The following PTPRN2 variants were observed in gnomAD, a reference collection of about 807,000 sequenced individuals.
PTPRN2 encodes the protein receptor-type tyrosine-protein phosphatase N2.
Under a neutral mutation model 118.8 loss-of-function variants are expected in PTPRN2, and 74 were observed. The observed-to-expected ratio is 0.62, with a 90% CI of 0.52 to 0.76. The LOEUF is 0.76. Ranked by LOEUF, PTPRN2 falls within the 30% of genes least tolerant of loss-of-function variation. PTPRN2 has a pLI of 0.00. For synonymous variants in PTPRN2, 641 were observed against 608.0 expected (o/e 1.05, Z -0.80); for missense variants, 1,481 against 1,394.4 (o/e 1.06, Z -0.99).
rs1827992375 is a variant in PTPRN2 at position 158,570,934 on chromosome 7, AGCAAAGCCCGGGTCCCGGATG to A, written c.112+16603_112+16623del. ...TCTGCTCAGAAGCCCACCCCTGCAG[AGCAAAGCCCGGGTCCCGGATG>A]GCAAAGCCATACGCAGGAGCCTTCC... On this transcript the variant is annotated intron_variant, in intron 1 of 22. Coordinates refer to ENST00000389418, the MANE Select transcript of PTPRN2 (RefSeq NM_002847.5). This position sits in a 1 kb window ranked among gnomAD's most constrained non-coding sequence, Gnocchi z 4.5. Among the ~76,000 whole-genome samples the A allele has an allele frequency of 6.6e-6, 1 of 152,190 alleles. No individual in the cohort carries two copies. Among genetic ancestry groups the A allele is most frequent in the African/African-American group, 2.4e-5 (1 of 41,440 alleles).
At chr7:158,082,405 A>G (rs1486678101) in intron 10 of PTPRN2, among the ~76,000 whole-genome samples, 1 of 152,152 alleles carries the variant, frequency 6.6e-6, no homozygotes, top group Admixed American at 6.5e-5. Context: ...TCTGCTCATG[A>G]TACCTCAGTC....
intron 3 of PTPRN2, among the ~76,000 whole-genome samples, chr7:158,241,101 T>A (rs562897909): frequency 6.6e-6 from 1 of 152,354 alleles, no homozygotes; most frequent in East Asian, 1.9e-4. Context: ...GGTGGAAGCA[T>A]CAAAGTGTTC....
intron 2 of PTPRN2, among the ~76,000 whole-genome samples, chr7:158,440,741 T>G (rs1319905118): frequency 1.4e-5 from 2 of 140,048 alleles, no homozygotes; most frequent in South Asian, 4.6e-4. Context: ...ATGATGACAG[T>G]GGTGGTGACA....
chr7:158,085,150 C>A (rs1813211333), intron 10 of PTPRN2, among the ~76,000 whole-genome samples: 1 of 132,744 alleles, frequency 7.5e-6, no homozygotes, highest in African/African-American at 2.9e-5. Context: ...CCCATCCACA[C>A]CCTCGACGCC....
At chr7:158,279,898 T>C (rs1799298239) in intron 3 of PTPRN2, among the ~76,000 whole-genome samples, 1 of 152,038 alleles carries the variant, frequency 6.6e-6, no homozygotes, top group South Asian at 2.1e-4. Context: ...CAATGTGGAC[T>C]TGACCCCACG....
At chr7:157,545,343 G>A (rs1389217836) in intron 22 of PTPRN2, among the ~76,000 whole-genome samples, 1 of 150,480 alleles carries the variant, frequency 6.6e-6, no homozygotes, top group Non-Finnish European at 1.5e-5. Flanking sequence ...TGGGGGGTGT[G>A]CCTGGGTGTG....
intron 3 of PTPRN2, among the ~76,000 whole-genome samples, chr7:158,225,696 A>G (rs1254347301): frequency 6.6e-6 from 1 of 152,186 alleles, no homozygotes; most frequent in African/African-American, 2.4e-5. Context: ...GAAGAGGTGA[A>G]TTTGTGTTGG....
intron 10 of PTPRN2, among the ~76,000 whole-genome samples, chr7:158,091,774 T>TTGGG: frequency 9.1e-6 from 1 of 110,364 alleles, no homozygotes; most frequent in Non-Finnish European, 1.9e-5. Context: ...AGAGAGATGG[T>TTGGG]TGGGTGGGTG....
chr7:158,142,879 C>T (rs781251192), intron 6 of PTPRN2, among the ~76,000 whole-genome samples: 6 of 152,198 alleles, frequency 3.9e-5, no homozygotes, highest in Non-Finnish European at 7.3e-5. Flanking sequence ...GACAGGCTCA[C>T]GTTGTTTCAC....
intron 9 of PTPRN2, among the ~76,000 whole-genome samples, chr7:158,120,310 T>G (rs868243264): frequency 6.6e-6 from 1 of 152,220 alleles, no homozygotes; most frequent in Non-Finnish European, 1.5e-5. Context: ...CTGAATTCTA[T>G]GCTTAAACAT....
At position 157,610,257 on chromosome 7, in the gene PTPRN2, G is replaced by A. The variant is rs1802252074; in HGVS notation, c.2345-6182C>T. Among the ~76,000 whole-genome samples, 1 of 152,184 alleles carries A rather than the reference G, an allele frequency of 6.6e-6. No individual in the cohort carries two copies. The highest frequency in any genetic ancestry group is 2.1e-4 in the South Asian group (1 of 4,838). On this transcript the variant is annotated intron_variant, in intron 15 of 22. Transcript: ENST00000389418. This position sits in a 1 kb window ranked among gnomAD's most constrained non-coding sequence, Gnocchi z 5.1. The stretch of plus-strand genomic sequence containing the variant: ...GCAATGGGGTTCCCTCCTCCCAGGG[G>A]CCTCACGGAACTCGGCAATGGGGTT...
At chr7:157,684,152 C>T (rs1329407181) in intron 12 of PTPRN2, among the ~76,000 whole-genome samples, 5 of 151,996 alleles carry the variant, frequency 3.3e-5, no homozygotes, top group Non-Finnish European at 7.4e-5. Flanking sequence ...TATCGCCGGT[C>T]TTGACTGGAA....
intron 11 of PTPRN2, among the ~76,000 whole-genome samples, chr7:158,074,071 G>A (rs528252500): frequency 1.5e-3 from 236 of 152,280 alleles, no homozygotes; most frequent in Non-Finnish European, 2.7e-3. Context: ...CTAACCCCAC[G>A]GGGCCTGGGG....
At chr7:158,074,784 G>A (rs1812217540) in intron 11 of PTPRN2, among the ~76,000 whole-genome samples, 2 of 152,202 alleles carry the variant, frequency 1.3e-5, no homozygotes, top group Admixed American at 1.3e-4. Context: ...GAGGGGACAA[G>A]GCAGCACCCT....
chr7:158,333,389 T>A (rs1804893042), intron 2 of PTPRN2, among the ~76,000 whole-genome samples: 2 of 145,086 alleles, frequency 1.4e-5, no homozygotes, highest in African/African-American at 5.4e-5. Flanking sequence ...CCATAAGAGG[T>A]GACACCTGCA....
intron 11 of PTPRN2, among the ~76,000 whole-genome samples, chr7:158,016,830 C>T (rs117564098): frequency 1.6e-4 from 25 of 152,262 alleles, no homozygotes; most frequent in African/African-American, 5.8e-4. Context: ...AAGCTGGCTA[C>T]GCTGAATATG....
chr7:158,273,365 C>T lies in PTPRN2; in HGVS notation c.277+43454G>A, dbSNP rs371600966. Among the ~76,000 whole-genome samples the T allele has an allele frequency of 7.0e-4, 107 of 151,976 alleles. 2 individuals carry two copies. In the South Asian group the frequency reaches 0.022, roughly 31 times the overall value. On this transcript the variant is annotated intron_variant, in intron 3 of 22. Transcript: ENST00000389418. ...GCAGAACCAAGGGCAGAAGCACTGC[C>T]TGCAGCCCTGTCCCAGCGTCGTGGA... is the stretch of plus-strand genomic sequence containing the variant.
At chr7:157,559,832 C>G (rs915722538) in intron 21 of PTPRN2, among the ~76,000 whole-genome samples, 8 of 152,162 alleles carry the variant, frequency 5.3e-5, no homozygotes, top group East Asian at 1.9e-4. Context: ...TGTGGCCCCC[C>G]CCGCCCCGTC....
At chr7:158,172,569 C>T (rs941460816) in intron 5 of PTPRN2, among the ~76,000 whole-genome samples, 1 of 148,934 alleles carries the variant, frequency 6.7e-6, no homozygotes, top group African/African-American at 2.5e-5. Context: ...CTCCACCATC[C>T]ACAACAGCAT....
Sources: gnomAD v4.1 joint callset for allele counts (sites outside exome capture counted in the v4.1 genomes callset) on GRCh38, gnomAD v4.1.1 for gene constraint, Gnocchi (gnomAD v3.1) non-coding constraint, MANE v1.5 for transcripts, NCBI Gene and HGNC (gene_info 2026-07-23, HGNC 2026-07-21) for gene names.